VWA7: variants seen among roughly 807,000 people sequenced by gnomAD.
VWA7 encodes von Willebrand factor A domain containing 7, also known as von Willebrand factor A domain-containing protein 7.
VWA7 carries 66 observed loss-of-function variants against 83.1 expected under a neutral mutation model. The ratio of observed to expected loss-of-function variants is 0.79; its 90% confidence interval spans 0.65 to 0.98. The LOEUF is 0.98. Ranked by LOEUF, VWA7 falls within the 50% of genes least tolerant of loss-of-function variation. The pLI, the probability that VWA7 is intolerant of heterozygous loss-of-function variation, is 0.00. For synonymous variants in VWA7, 424 were observed against 488.5 expected (o/e 0.87, Z 1.74); for missense variants, 1,080 against 1,160.2 (o/e 0.93, Z 1.00).
rs1812028809 is a variant in VWA7, at chr6:31,770,070, C to T, written c.1131G>A (p.Trp377Ter). 1 of 1,612,808 alleles carries T rather than the reference C, an allele frequency of 6.2e-7. No individual in the cohort carries two copies. ...VFTTSDPDSF[W>*]QQLNEIHALG... ...AGGCATGGATCTCATTAAGCTGTTG[C>T]CAGAAGCTGTCAGGGTCACTGGTTG... The change falls in exon 8 of 17, where the codon TGG becomes TGA. Residue 377 changes from tryptophan to a stop codon, truncating the protein, a stop_gained. Transcript: ENST00000375688. LOFTEE classifies it high-confidence loss of function.
rs114936741 is a variant in VWA7 at position 31,776,371 on chromosome 6, C to T, written c.235-129G>A. On this transcript the variant is annotated intron_variant, in intron 2 of 16. Coordinates refer to ENST00000375688, the MANE Select transcript of VWA7 (RefSeq NM_025258.3). The surrounding 1 kb of genome is among the most constrained non-coding windows in gnomAD (Gnocchi z 6.2). ...GAGCCCCACAAAGGAGGGACAGTCC[C>T]GGACCTTTCTAAGGAGGGGGACTCC... 0.026 allele frequency: 35,238 copies of T among 1,376,146 alleles called. 897 individuals carry two copies. Among genetic ancestry groups the T allele is most frequent in the Non-Finnish European group, 0.025 (25,669 of 1,023,984 alleles). 85.2% of individuals were successfully genotyped at this position (1,376,146 alleles called of 1,614,324 possible).
chr6:31,774,762 G>A (rs1188183114), intron 4 of VWA7, 136 bp from the exon 5 acceptor site: 4 of 677,972 alleles, frequency 5.9e-6, no homozygotes, highest in Non-Finnish European at 9.8e-6. Context: ...AAAGCTTTCT[G>A]AACTAAAACC....
At position 31,775,831 on chromosome 6, in the gene VWA7, G is replaced by T. The variant is rs565527329; in HGVS notation, c.513+133C>A. The T allele has an allele frequency of 1.3e-3, 1,896 of 1,415,448 alleles. 1 individual carries two copies. The highest frequency in any genetic ancestry group is 1.7e-3 in the Non-Finnish European group (1,777 of 1,057,366). The allele number at this position is 1,415,448 out of a possible 1,614,324, so 87.7% of individuals were successfully genotyped here. On this transcript the variant is annotated intron_variant, in intron 3 of 16. Coordinates refer to ENST00000375688, the MANE Select transcript of VWA7 (RefSeq NM_025258.3). The surrounding 1 kb of genome is among the most constrained non-coding windows in gnomAD (Gnocchi z 5.9). The stretch of plus-strand genomic sequence containing the variant: ...GTGGGGAACTGGGACACAGCCTCGG[G>T]GCACCGCGTGCCAGTGCCCACCCCT...
chr6:31,769,939 G>C lies in VWA7; in HGVS notation c.1200+62C>G. On this transcript the variant is annotated intron_variant, in intron 8 of 16. Coordinates refer to ENST00000375688, the MANE Select transcript of VWA7 (RefSeq NM_025258.3). This position sits in a 1 kb window ranked among gnomAD's most constrained non-coding sequence, Gnocchi z 4.5. The stretch of plus-strand genomic sequence containing the variant: ...GTGCTGAAGGTGGTGGGGAGCCCCA[G>C]GAGGGATCTAGCTCCCCCTGGTGGT... 6.4e-7 allele frequency: 1 copy of C among 1,556,298 alleles called. No individual in the cohort carries two copies.
Position 31,770,101 on chromosome 6 carries a change from A to T in VWA7, c.1100T>A (p.Val367Asp). 4 of 1,612,906 alleles carry T rather than the reference A, an allele frequency of 2.5e-6. No homozygotes were observed. Among genetic ancestry groups the T allele is most frequent in the South Asian group, 2.2e-5 (2 of 91,080 alleles). Reference sequence around the variant, plus strand: ...GCTGTCAGGGTCACTGGTTGTAAAGACAGGGCCGAACCCTGGGAAGGGGAA... The same window carrying T: ...GCTGTCAGGGTCACTGGTTGTAAAGTCAGGGCCGAACCCTGGGAAGGGGAA... ...VPFHDPGFGP[V>D]FTTSDPDSFW... The change falls in exon 8 of 17, where the codon GTC becomes GAC. Residue 367 changes from valine (V) to aspartate (D), a missense_variant. Transcript: ENST00000375688.
chr6:31,774,431 C>T, intron 5 of VWA7, 85 bp downstream of exon 5: 1 of 1,305,396 alleles, frequency 7.7e-7, no homozygotes, highest in Non-Finnish European at 1.1e-6. Flanking sequence ...GATGCCATAG[C>T]AAAGGCATAC....
rs755852178 is a variant in VWA7 at position 31,766,730 on chromosome 6, C to A, written c.1917G>T (p.Gly639=). The A allele has an allele frequency of 4.3e-6, 7 of 1,609,258 alleles. No individual in the cohort carries two copies. The highest frequency in any genetic ancestry group is 1.3e-5 in the African/African-American group (1 of 74,848). ...LQTQLLVEVT[G]LGSRANPGDP... The stretch of plus-strand genomic sequence containing the variant: ...CCCCAGGATTGGCTCTGGAACCCAA[C>A]CCTGTCACTTCTACCAGCAGCTGGG... The change falls in exon 14 of 17, where the codon GGG becomes GGT. Residue 639 remains glycine, a synonymous_variant. Coordinates refer to ENST00000375688, the MANE Select transcript of VWA7 (RefSeq NM_025258.3). The surrounding 1 kb of genome is among the most constrained non-coding windows in gnomAD (Gnocchi z 4.9).
chr6:31,766,254 T>C lies in VWA7; in HGVS notation c.2315A>G (p.Asn772Ser), dbSNP rs552189546. Residue 772 changes from asparagine to serine, a missense_variant, in exon 15 of 17, where the codon AAC becomes AGC. Coordinates refer to ENST00000375688, the MANE Select transcript of VWA7 (RefSeq NM_025258.3). This position sits in a 1 kb window ranked among gnomAD's most constrained non-coding sequence, Gnocchi z 4.9. The part of the protein sequence containing the change: ...FVNPSFSLTS[N>S]LSRAHLELNE... The stretch of plus-strand genomic sequence containing the variant: ...GGTTCATGAGCCTCACCTGGAGAGG[T>C]TGGAGGTGAGGGAGAAGCTGGGGTT... 27 of 1,611,176 alleles carry C rather than the reference T, an allele frequency of 1.7e-5. No individual in the cohort carries two copies. The Admixed American group carries it at 1.8e-4, about 11-fold the overall frequency.
Position 31,766,015 on chromosome 6 carries a change from C to G in VWA7, c.2367G>C (p.Trp789Cys). The G allele has an allele frequency of 6.2e-7, 1 of 1,612,934 alleles. No individual in the cohort carries two copies. The change falls in exon 16 of 17, where the codon TGG (tryptophan) becomes TGC (cysteine). Residue 789 changes from tryptophan (W) to cysteine (C), a missense_variant. By Grantham distance (215) the Trp-to-Cys change is radical. Transcript: ENST00000375688. The surrounding 1 kb of genome is among the most constrained non-coding windows in gnomAD (Gnocchi z 4.9). ...GGGCCGCTGAATCTGGGACCTCCAG[C>G]CACAGGCGGCCCCAGGCCGACTCAT... ...ELNESAWGRLWLEVPDSAAPD... is the reference protein window; with the variant it reads ...ELNESAWGRLCLEVPDSAAPD...
Position 31,770,103 on chromosome 6 carries a change from A to G in VWA7, c.1098T>C (p.Pro366=), listed in dbSNP as rs747368460. Residue 366 remains proline (P), a synonymous_variant, in exon 8 of 17, where the codon CCT becomes CCC. Coordinates refer to ENST00000375688, the MANE Select transcript of VWA7 (RefSeq NM_025258.3). The part of the protein sequence containing the change: ...LVPFHDPGFG[P]VFTTSDPDSF... ...TGTCAGGGTCACTGGTTGTAAAGAC[A>G]GGGCCGAACCCTGGGAAGGGGAAAG... 1.8e-5 allele frequency: 29 copies of G among 1,612,922 alleles called. No homozygotes were observed. In the South Asian group the frequency reaches 3.2e-4, roughly 18 times the overall value.
rs749416260 is a variant in VWA7 at position 31,767,350 on chromosome 6, C to G, written c.1789+12G>C. On this transcript the variant is annotated intron_variant, in intron 12 of 16. Transcript: ENST00000375688. ...CTCTGCTTCCCCTTCCCAGGAACAC[C>G]TCCCTCCTTACCTTGCACTCTCACC... 1.9e-6 allele frequency: 3 copies of G among 1,612,698 alleles called. No homozygotes were observed. In the East Asian group the frequency reaches 6.7e-5, roughly 36 times the overall value.
chr6:31,774,154 CAAAAAAAA>C (rs10581485), intron 5 of VWA7, among the ~76,000 whole-genome samples: 5 of 61,820 alleles, frequency 8.1e-5, no homozygotes, highest in South Asian at 5.7e-4. Flanking sequence ...AACTCCATCT[CAAAAAAAA>C]AAAAAAAAAA....
Position 31,773,235 on chromosome 6 carries a change from C to T in VWA7, c.917+7G>A. ...ATGAAGGGGTCCATCCCCAGGAGGC[C>T]ACTCACCTGGAGAAATCCCTGTCTC... On this transcript the variant is annotated splice_region_variant and intron_variant, in intron 6 of 16. Coordinates refer to ENST00000375688, the MANE Select transcript of VWA7 (RefSeq NM_025258.3). The surrounding 1 kb of genome is among the most constrained non-coding windows in gnomAD (Gnocchi z 5.3). The T allele has an allele frequency of 1.9e-6, 3 of 1,599,408 alleles. No individual in the cohort carries two copies. The highest frequency in any genetic ancestry group is 4.5e-5 in the East Asian group (2 of 44,450).
Position 31,769,624 on chromosome 6 carries a change from C to G in VWA7, c.1317+51G>C. 6.6e-7 allele frequency: 1 copy of G among 1,508,542 alleles called. No homozygotes were observed. The highest frequency in any genetic ancestry group is 9.2e-7 in the Non-Finnish European group (1 of 1,086,272). 93.4% of individuals were successfully genotyped at this position (1,508,542 alleles called of 1,614,324 possible). A position where few individuals can be genotyped will look rare whatever the true frequency, so the allele number is the denominator to read the frequency against. On this transcript the variant is annotated intron_variant, in intron 9 of 16. Transcript: ENST00000375688. The surrounding 1 kb of genome is among the most constrained non-coding windows in gnomAD (Gnocchi z 4.5). ...CGTTATGAGATTGTCATCACAGGGT[C>G]TCTCACATCCCTGGGAGGCTAACAC...
Position 31,766,523 on chromosome 6 carries a change from C to T in VWA7, c.2124G>A (p.Ala708=), listed in dbSNP as rs1418346064. The change falls in exon 14 of 17, where the codon GCG becomes GCA. Residue 708 remains alanine, a synonymous_variant. Transcript: ENST00000375688. This position sits in a 1 kb window ranked among gnomAD's most constrained non-coding sequence, Gnocchi z 4.9. ...GGGCAGCCCTGTGCAGGCGCCGCCC[C>T]GCTGCGTCCTGGCCAATCAGCTCCA... ...FSLELIGQDA[A]GRRLHRAAPQ... 16 of 1,609,212 alleles carry T rather than the reference C, an allele frequency of 9.9e-6. No individual in the cohort carries two copies. Among genetic ancestry groups the T allele is most frequent in the Non-Finnish European group, 1.4e-5 (16 of 1,177,474 alleles).
At chr6:31,771,137 G>C (rs1427083504) in intron 7 of VWA7, 1 of 151,910 alleles carries the variant, frequency 6.6e-6, no homozygotes, top group African/African-American at 2.4e-5. Context: ...CAAATCTTAA[G>C]ATAGTGCTTT....
rs761482791 is a variant in VWA7, at chr6:31,769,994, G to A, written c.1200+7C>T. 1 of 1,612,136 alleles carries A rather than the reference G, an allele frequency of 6.2e-7. No homozygotes were observed. The highest frequency in any genetic ancestry group is 1.7e-5 in the Admixed American group (1 of 59,976). ...CCAGGAAACGGGGAAGAAGGGAGGG[G>A]CCAGACCTGCAGGGCTGACAGGCAC... On this transcript the variant is annotated splice_region_variant and intron_variant, in intron 8 of 16. Transcript: ENST00000375688. The surrounding 1 kb of genome is among the most constrained non-coding windows in gnomAD (Gnocchi z 4.5).
rs1001452570 is a variant in VWA7 at position 31,775,863 on chromosome 6, G to A, written c.513+101C>T. The A allele has an allele frequency of 6.7e-7, 1 of 1,498,572 alleles. No homozygotes were observed. Among genetic ancestry groups the A allele is most frequent in the African/African-American group, 1.4e-5 (1 of 71,726 alleles). The allele number at this position is 1,498,572 out of a possible 1,614,324, so 92.8% of individuals were successfully genotyped here. A position where few individuals can be genotyped will look rare whatever the true frequency, so the allele number is the denominator to read the frequency against. ...CGTGCCAGTGCCCACCCCTTCCAGA[G>A]TGGAGGAGACATGATCAAGAAGGCA... On this transcript the variant is annotated intron_variant, in intron 3 of 16. Transcript: ENST00000375688. This position sits in a 1 kb window ranked among gnomAD's most constrained non-coding sequence, Gnocchi z 5.9.
At chr6:31,770,260 G>T in intron 7 of VWA7, 147 bp from the exon 8 acceptor site, 2 of 666,110 alleles carry the variant, frequency 3.0e-6, no homozygotes, top group South Asian at 1.9e-5. Flanking sequence ...ACTCATACTT[G>T]GCCGGGTGCG....
Sources: gnomAD v4.1 joint callset for allele counts (sites outside exome capture counted in the v4.1 genomes callset) on GRCh38, gnomAD v4.1.1 for gene constraint, Gnocchi (gnomAD v3.1) non-coding constraint, MANE v1.5 for transcripts, NCBI Gene and HGNC (gene_info 2026-07-23, HGNC 2026-07-21) for gene names.